Variants in MGMT observed in about 807,000 individuals in gnomAD.
MGMT encodes the protein methylated-DNA--protein-cysteine methyltransferase.
Under a neutral mutation model 15.9 loss-of-function variants are expected in MGMT, and 14 were observed. That is an observed-to-expected ratio of 0.88 (90% CI 0.58 to 1.37). MGMT has a LOEUF of 1.37. Among genes scored for constraint, MGMT ranks in the 40% most tolerant of loss-of-function variants. The pLI is 0.00. For synonymous variants in MGMT, 130 were observed against 118.2 expected (o/e 1.10, Z -0.65); for missense variants, 282 against 268.1 (o/e 1.05, Z -0.36).
At chr10:129,600,252 T>A (rs1404736904) in intron 2 of MGMT, among the ~76,000 whole-genome samples, 2 of 152,170 alleles carry the variant, frequency 1.3e-5, no homozygotes, top group Non-Finnish European at 2.9e-5. Context: ...GGATGGTCCC[T>A]TGAGTTAGTT....
Position 129,660,000 on chromosome 10 carries a change from C to G in MGMT, c.126-47895C>G, listed in dbSNP as rs1847577696. Among the ~76,000 whole-genome samples, 1 of 152,132 alleles carries G rather than the reference C, an allele frequency of 6.6e-6. No homozygotes were observed. The highest frequency in any genetic ancestry group is 6.5e-5 in the Admixed American group (1 of 15,276). ...CCGTGCAGTGAAGGATTTGCGTGGT[C>G]TTTGGTGCTTTTCTTCTAAATAATG... On this transcript the variant is annotated intron_variant, in intron 2 of 4. Coordinates refer to ENST00000651593, the MANE Select transcript of MGMT (RefSeq NM_002412.5). This position sits in a 1 kb window ranked among gnomAD's most constrained non-coding sequence, Gnocchi z 4.1.
chr10:129,574,827 T>C (rs1002731186), intron 2 of MGMT, among the ~76,000 whole-genome samples: 1 of 152,218 alleles, frequency 6.6e-6, no homozygotes, highest in Non-Finnish European at 1.5e-5. Flanking sequence ...AAAATATTGC[T>C]GCCTTCATAG....
intron 2 of MGMT, chr10:129,700,333 A>G (rs528927451): frequency 6.6e-6 from 1 of 152,374 alleles, no homozygotes; most frequent in Non-Finnish European, 1.5e-5. Flanking sequence ...AAAGAACTAT[A>G]GAATATTCAA....
intron 3 of MGMT, among the ~76,000 whole-genome samples, chr10:129,748,145 G>A (rs1316473532): frequency 1.3e-5 from 2 of 152,122 alleles, no homozygotes; most frequent in Admixed American, 6.5e-5. Flanking sequence ...GGGGAGTTAC[G>A]CTCCTTGAAG....
intron 1 of MGMT, among the ~76,000 whole-genome samples, chr10:129,531,790 G>C (rs1298045432): frequency 1.4e-5 from 2 of 147,146 alleles, no homozygotes; most frequent in Non-Finnish European, 3.0e-5. Context: ...GGGGGTGGGG[G>C]GGGGTGGGGG....
intron 2 of MGMT, among the ~76,000 whole-genome samples, chr10:129,699,046 G>A (rs1848065253): frequency 6.6e-6 from 1 of 151,972 alleles, no homozygotes; most frequent in Non-Finnish European, 1.5e-5. Context: ...GAATCTTTAG[G>A]GACCTGATCA....
chr10:129,543,783 G>A (rs1846070262), intron 2 of MGMT, among the ~76,000 whole-genome samples: 1 of 152,226 alleles, frequency 6.6e-6, no homozygotes, highest in African/African-American at 2.4e-5. Flanking sequence ...CTGTGTCTGT[G>A]AGTCAGAAGC....
intron 2 of MGMT, among the ~76,000 whole-genome samples, chr10:129,550,373 C>G (rs974229767): frequency 1.3e-5 from 2 of 148,618 alleles, no homozygotes; most frequent in Admixed American, 6.6e-5. Flanking sequence ...CCACCGCCAC[C>G]CAGCACCGGA....
rs114072468 is a variant in MGMT at position 129,753,072 on chromosome 10, C to G, written c.275-6130C>G. ...AAATGTCTCTAACTCTAACTTCATT[C>G]CTGAAGGATTCTTAAACATCGGATA... On this transcript the variant is annotated intron_variant, in intron 3 of 4. Transcript: ENST00000651593. Among the ~76,000 whole-genome samples, 1,239 of 152,266 alleles carry G rather than the reference C, an allele frequency of 8.1e-3. 13 individuals carry two copies. The highest frequency in any genetic ancestry group is 0.027 in the African/African-American group (1,126 of 41,558).
intron 2 of MGMT, among the ~76,000 whole-genome samples, chr10:129,682,358 A>T (rs1185562778): frequency 6.6e-6 from 1 of 152,102 alleles, no homozygotes; most frequent in Non-Finnish European, 1.5e-5. Flanking sequence ...ATTTGGATGG[A>T]TCTAAAGGGC....
At chr10:129,640,774 C>G (rs7920731) in intron 2 of MGMT, among the ~76,000 whole-genome samples, 7,305 of 152,226 alleles carry the variant, frequency 0.048, 211 homozygotes, top group Middle Eastern at 0.088. Context: ...ACATGACCAA[C>G]TTGAGTTTAT....
At chr10:129,737,941 C>T (rs1479921216) in intron 3 of MGMT, among the ~76,000 whole-genome samples, 1 of 152,206 alleles carries the variant, frequency 6.6e-6, no homozygotes, top group Non-Finnish European at 1.5e-5. Context: ...GCTGGGAGAA[C>T]CACTGCTCTC....
In MGMT at chr10:129,669,686, A is replaced by G. The variant is rs146831721; in HGVS notation, c.126-38209A>G. On this transcript the variant is annotated intron_variant, in intron 2 of 4. Transcript: ENST00000651593. ...TTTTGTACTTGCCTTGGGATCCACA[A>G]AAAACAAAACACTACCAGAACAGTA... 2.1e-3 allele frequency among the ~76,000 whole-genome samples: 326 copies of G among 152,336 alleles called. 1 individual carries two copies. Among genetic ancestry groups the G allele is most frequent in the African/African-American group, 7.2e-3 (300 of 41,576 alleles).
intron 3 of MGMT, among the ~76,000 whole-genome samples, chr10:129,711,100 C>G (rs1300154964): frequency 6.6e-6 from 1 of 152,148 alleles, no homozygotes; most frequent in East Asian, 1.9e-4. Flanking sequence ...ACCAAGCCCT[C>G]ATCCCTTCCT....
intron 1 of MGMT, among the ~76,000 whole-genome samples, chr10:129,476,841 G>A (rs575242909): frequency 6.6e-6 from 1 of 152,280 alleles, no homozygotes; most frequent in East Asian, 1.9e-4. Context: ...GAAGCTTCTG[G>A]ACATGTCAAA....
At chr10:129,550,956 C>T (rs1036953334) in intron 2 of MGMT, among the ~76,000 whole-genome samples, 2 of 152,148 alleles carry the variant, frequency 1.3e-5, no homozygotes, top group African/African-American at 4.8e-5. Flanking sequence ...AGTGCTGTTT[C>T]GGCCTGGAGG....
intron 3 of MGMT, among the ~76,000 whole-genome samples, chr10:129,729,453 C>T (rs970438580): frequency 1.9e-4 from 29 of 152,176 alleles, no homozygotes; most frequent in South Asian, 2.1e-4. Context: ...GCCTCACCTG[C>T]GTGCCTCTCG....
chr10:129,699,700 G>C (rs1345187580), intron 2 of MGMT, among the ~76,000 whole-genome samples: 1 of 152,128 alleles, frequency 6.6e-6, no homozygotes, highest in Non-Finnish European at 1.5e-5. Flanking sequence ...GTGCAGTAAA[G>C]ATCTGCTGAC....
chr10:129,683,220 T>C lies in MGMT; in HGVS notation c.126-24675T>C, dbSNP rs191267450. Among the ~76,000 whole-genome samples, 333 of 152,322 alleles carry C rather than the reference T, an allele frequency of 2.2e-3. 1 individual carries two copies. Among genetic ancestry groups the C allele is most frequent in the Non-Finnish European group, 2.6e-3 (179 of 68,030 alleles). Reference sequence around the variant, plus strand: ...GCGTTGGCTTTGCTGCTGTGAGTCTTGGAAAACCCATTTCCAGTGCAAGTG... The same window carrying C: ...GCGTTGGCTTTGCTGCTGTGAGTCTCGGAAAACCCATTTCCAGTGCAAGTG... On this transcript the variant is annotated intron_variant, in intron 2 of 4. Transcript: ENST00000651593.
Sources: allele counts gnomAD v4.1 joint callset (sites outside exome capture counted in the v4.1 genomes callset), GRCh38; gene constraint gnomAD v4.1.1; non-coding constraint Gnocchi (gnomAD v3.1); transcripts MANE v1.5; gene names NCBI Gene and HGNC (gene_info 2026-07-23, HGNC 2026-07-21).